Variants in RAB23 observed in about 807,000 individuals in gnomAD.
The protein encoded by RAB23 is ras-related protein Rab-23.
RAB23 carries 15 observed loss-of-function variants against 30.0 expected under a neutral mutation model. The ratio of observed to expected loss-of-function variants is 0.50; its 90% confidence interval spans 0.33 to 0.77. RAB23 has a LOEUF of 0.77. Among genes scored for constraint, RAB23 ranks in the 30% least tolerant of loss-of-function variants. RAB23 has a pLI of 0.02. For synonymous variants in RAB23, 93 were observed against 94.0 expected, an observed-to-expected ratio of 0.99 and a Z score of 0.06; for missense variants, 243 against 275.4, an observed-to-expected ratio of 0.88 and a Z score of 0.83.
At chr6:57,193,217 C>G (rs1270101511) in intron 6 of RAB23, among the ~76,000 whole-genome samples, 1 of 147,994 alleles carries the variant, frequency 6.8e-6, no homozygotes, top group Non-Finnish European at 1.5e-5. Context: ...AAAAAAAAAG[C>G]CAGAATCCAG....
chr6:57,211,607 A>G (rs1765656585), intron 1 of RAB23, among the ~76,000 whole-genome samples: 1 of 152,368 alleles, frequency 6.6e-6, no homozygotes, highest in Admixed American at 6.5e-5. Flanking sequence ...AAGGTTTTGT[A>G]TAATAGTGTA....
chr6:57,210,422 GAGATC>G lies in RAB23; in HGVS notation c.-47_-43del, dbSNP rs1765611306. The G allele has an allele frequency of 1.1e-5, 18 of 1,585,670 alleles. No homozygotes were observed. The highest frequency in any genetic ancestry group is 1.5e-5 in the Non-Finnish European group (17 of 1,155,056). On this transcript the variant is annotated 5_prime_UTR_variant, in exon 2 of 7. Coordinates refer to ENST00000468148, the MANE Select transcript of RAB23 (RefSeq NM_016277.5). ...GTTTCTGTACCAACTCTAATTCTAG[GAGATC>G]AGATCTTCCCTCTCAAATCTGTGGT...
At chr6:57,205,057 A>C (rs1364765756) in intron 3 of RAB23, among the ~76,000 whole-genome samples, 1 of 151,052 alleles carries the variant, frequency 6.6e-6, no homozygotes, top group Non-Finnish European at 1.5e-5. Context: ...TCTGTTTATA[A>C]ATATGTGTAT....
chr6:57,193,973 T>G, intron 5 of RAB23, 39 bp from the exon 6 acceptor site: 1 of 1,592,784 alleles, frequency 6.3e-7, no homozygotes, highest in Non-Finnish European at 8.6e-7. Flanking sequence ...AGGTCAATGA[T>G]TTATGCATGT....
intron 3 of RAB23, among the ~76,000 whole-genome samples, chr6:57,200,044 T>A (rs1027510246): frequency 3.3e-5 from 5 of 151,406 alleles, no homozygotes; most frequent in African/African-American, 7.3e-5. Context: ...CACCCTTTTT[T>A]AAAAAAAAAC....
At chr6:57,210,985 A>G (rs554916434) in intron 1 of RAB23, among the ~76,000 whole-genome samples, 15 of 152,392 alleles carry the variant, frequency 9.8e-5, no homozygotes, top group Middle Eastern at 6.8e-3. Flanking sequence ...GAAAAATTCC[A>G]TACCTGACAT....
Position 57,190,146 on chromosome 6 carries a change from GCATTT to G in RAB23, c.*310_*314del, listed in dbSNP as rs1764783228. On this transcript the variant is annotated 3_prime_UTR_variant, in exon 7 of 7. Transcript: ENST00000468148. ...TTAAAATCTGTAACAATATATTTAG[GCATTT>G]CATTTATGTTTTCCAGCATTTAAAA... is the stretch of plus-strand genomic sequence containing the variant. 3.2e-6 allele frequency: 1 copy of G among 315,942 alleles called. No homozygotes were observed. The highest frequency in any genetic ancestry group is 3.4e-5 in the South Asian group (1 of 29,056). The allele number at this position is 315,942 out of a possible 1,614,324, so 19.6% of individuals were successfully genotyped here. A position where few individuals can be genotyped will look rare whatever the true frequency, so the allele number is the denominator to read the frequency against.
intron 1 of RAB23, among the ~76,000 whole-genome samples, chr6:57,215,337 G>C (rs940301467): frequency 2.0e-5 from 3 of 152,292 alleles, no homozygotes; most frequent in African/African-American, 7.2e-5. Context: ...GGATAAACCA[G>C]TCAAAATCTA....
At chr6:57,212,574 C>A (rs1259200868) in intron 1 of RAB23, among the ~76,000 whole-genome samples, 1 of 152,064 alleles carries the variant, frequency 6.6e-6, no homozygotes, top group Non-Finnish European at 1.5e-5. Context: ...ACACTGGGAT[C>A]ATCTAGATAA....
intron 1 of RAB23, among the ~76,000 whole-genome samples, chr6:57,211,737 T>C (rs1037773758): frequency 6.6e-6 from 1 of 152,250 alleles, no homozygotes; most frequent in Non-Finnish European, 1.5e-5. Context: ...ACCTTTATAG[T>C]TACACATACA....
intron 2 of RAB23, among the ~76,000 whole-genome samples, chr6:57,208,120 ATATCAT>A (rs1414652855): frequency 6.6e-6 from 1 of 152,210 alleles, no homozygotes; most frequent in Non-Finnish European, 1.5e-5. Flanking sequence ...TCGGATGTTG[ATATCAT>A]TATCAACAGT....
intron 1 of RAB23, among the ~76,000 whole-genome samples, chr6:57,219,767 A>G (rs1765987225): frequency 6.6e-6 from 1 of 152,190 alleles, no homozygotes. Context: ...ATATGCAAAA[A>G]AGTAAACCTT....
In RAB23 at chr6:57,222,246, G is replaced by C. The variant is rs1054264568; in HGVS notation, c.-586C>G. 2.0e-5 allele frequency: 3 copies of C among 152,612 alleles called. No individual in the cohort carries two copies. Among genetic ancestry groups the C allele is most frequent in the Non-Finnish European group, 4.4e-5 (3 of 68,364 alleles). The allele number at this position is 152,612 out of a possible 1,614,324, so 9.5% of individuals were successfully genotyped here. A position where few individuals can be genotyped will look rare whatever the true frequency, so the allele number is the denominator to read the frequency against. The stretch of plus-strand genomic sequence containing the variant: ...AGTGGCTCAGCAGCAGCTCCGCCGG[G>C]GGTGGTGGGGCGCGGGAGTCTCGAC... On this transcript the variant is annotated 5_prime_UTR_variant, in exon 1 of 7. Transcript: ENST00000468148.
intron 1 of RAB23, among the ~76,000 whole-genome samples, chr6:57,211,342 C>T (rs1373598453): frequency 3.3e-5 from 5 of 152,126 alleles, no homozygotes; most frequent in Admixed American, 2.6e-4. Flanking sequence ...TGCCTGTCGT[C>T]CCAGCTACAC....
At chr6:57,194,949 CAGGGAAGGG>C (rs1764966705) in intron 4 of RAB23, 97 bp from the exon 5 acceptor site, 3 of 919,748 alleles carry the variant, frequency 3.3e-6, no homozygotes, top group South Asian at 1.4e-5. Flanking sequence ...TACAGTTTGG[CAGGGAAGGG>C]AGGGAAGGTG....
rs936523260 is a variant in RAB23, at chr6:57,188,399, C to T, written c.*2062G>A. The T allele has an allele frequency of 6.6e-6, 1 of 152,114 alleles. No individual in the cohort carries two copies. Among genetic ancestry groups the T allele is most frequent in the Non-Finnish European group, 1.5e-5 (1 of 67,986 alleles). 9.4% of individuals were successfully genotyped at this position (152,114 alleles called of 1,614,324 possible). A position where few individuals can be genotyped will look rare whatever the true frequency, so the allele number is the denominator to read the frequency against. Reference sequence around the variant, plus strand: ...AAACTAGGTACATAAAATTATATTACAGGAACTGTAACTATCCTCAGAGAT... The same window carrying T: ...AAACTAGGTACATAAAATTATATTATAGGAACTGTAACTATCCTCAGAGAT... On this transcript the variant is annotated 3_prime_UTR_variant, in exon 7 of 7. Transcript: ENST00000468148.
intron 1 of RAB23, 121 bp downstream of exon 1, chr6:57,221,605 G>C (rs185698248): frequency 1.3e-5 from 2 of 152,376 alleles, no homozygotes; most frequent in Non-Finnish European, 2.9e-5. Context: ...AGCCCGGGTC[G>C]CCCCTTCCCC....
chr6:57,199,449 C>T (rs1166212061), intron 3 of RAB23, among the ~76,000 whole-genome samples: 2 of 152,168 alleles, frequency 1.3e-5, no homozygotes, highest in African/African-American at 2.4e-5. Flanking sequence ...TAAACGAGCC[C>T]CACCCATGTG....
intron 1 of RAB23, among the ~76,000 whole-genome samples, chr6:57,212,908 C>A (rs773453275): frequency 3.3e-5 from 5 of 151,850 alleles, no homozygotes; most frequent in Non-Finnish European, 7.4e-5. Context: ...AAACAAAAAA[C>A]CTGATGCCTG....
Sources: allele counts gnomAD v4.1 joint callset (sites outside exome capture counted in the v4.1 genomes callset), GRCh38; gene constraint gnomAD v4.1.1; transcripts MANE v1.5; gene names NCBI Gene and HGNC (gene_info 2026-07-23, HGNC 2026-07-21).